DST: variants seen among roughly 807,000 people sequenced by gnomAD.
DST encodes the protein dystonin.
Under a neutral mutation model 875.2 loss-of-function variants are expected in DST, and 253 were observed. The observed-to-expected ratio is 0.29, with a 90% confidence interval of 0.26 to 0.32. The LOEUF is 0.32. DST is among the 10% of genes least tolerant of loss of function. The probability of loss-of-function intolerance (pLI) is 1.00; values close to 1 mark genes in which losing one functional copy is unlikely to be tolerated. For missense variants in DST, 8,287 were observed against 9,111.6 expected (o/e 0.91, Z 3.68); for synonymous variants, 3,124 against 3,197.1 (o/e 0.98, Z 0.77).
intron 36 of DST, chr6:56,619,216 A>G: frequency 6.2e-7 from 1 of 1,613,926 alleles, no homozygotes; most frequent in South Asian, 1.1e-5. Context: ...TTTGCTGGAT[A>G]GTTTGTTTCT....
chr6:56,930,426 T>C (rs1809564842), intron 2 of DST, among the ~76,000 whole-genome samples: 1 of 152,230 alleles, frequency 6.6e-6, no homozygotes, highest in Non-Finnish European at 1.5e-5. Flanking sequence ...ATGAAATGTG[T>C]AGGAATCTCA....
chr6:56,758,742 T>A (rs2099610166), intron 4 of DST, among the ~76,000 whole-genome samples: 1 of 152,032 alleles, frequency 6.6e-6, no homozygotes, highest in African/African-American at 2.4e-5. Flanking sequence ...TGGCCTGACT[T>A]TCTCACTGAA....
intron 2 of DST, among the ~76,000 whole-genome samples, chr6:56,930,815 A>T (rs1311917749): frequency 1.3e-5 from 2 of 152,252 alleles, no homozygotes; most frequent in African/African-American, 4.8e-5. Flanking sequence ...GAACAAAGAC[A>T]GCAATGTTGC....
intron 2 of DST, among the ~76,000 whole-genome samples, chr6:56,938,562 A>C (rs1209235966): frequency 1.3e-5 from 2 of 152,224 alleles, no homozygotes; most frequent in African/African-American, 4.8e-5. Context: ...TAGGGATAGC[A>C]GACAGTAGCA....
chr6:56,845,955 A>G (rs1195340601), intron 4 of DST, among the ~76,000 whole-genome samples: 1 of 152,250 alleles, frequency 6.6e-6, no homozygotes, highest in Non-Finnish European at 1.5e-5. Context: ...GAGAAGAGGC[A>G]AAAGCGTAGC....
intron 3 of DST, among the ~76,000 whole-genome samples, chr6:56,869,263 G>A (rs928126526): frequency 6.6e-6 from 1 of 152,178 alleles, no homozygotes; most frequent in South Asian, 2.1e-4. Flanking sequence ...TAAAAATGCT[G>A]GATAAAATAT....
intron 5 of DST, among the ~76,000 whole-genome samples, chr6:56,715,142 T>C (rs1212836797): frequency 3.3e-5 from 5 of 152,186 alleles, no homozygotes; most frequent in African/African-American, 9.7e-5. Flanking sequence ...CTGTGGGCTC[T>C]TGAATGCCTG....
Position 56,487,200 on chromosome 6 carries a change from T to A in DST, c.20951A>T (p.Glu6984Val). The change falls in exon 87 of 104, where the codon GAG becomes GTG. Residue 6984 changes from glutamate to valine, a missense_variant. By Grantham distance (121) the Glu-to-Val change is moderately radical. Around this residue, in one of 10 missense-constraint regions of DST, gnomAD observed 1,292 missense variants for 1,552.7 expected, o/e 0.83. Coordinates refer to ENST00000680361, the MANE Select transcript of DST (RefSeq NM_001374736.1). ...GTTGTCATCAGCCAGGGAGGTTTTCTCCTTCAGAGAACGTCCAGTCCTGTT... is the reference window on the plus strand; with the variant it reads ...GTTGTCATCAGCCAGGGAGGTTTTCACCTTCAGAGAACGTCCAGTCCTGTT... Reference protein sequence around the residue: ...TTNRTGRSLKEKTSLADDNLK... With the variant: ...TTNRTGRSLKVKTSLADDNLK... 6.2e-7 allele frequency: 1 copy of A among 1,613,916 alleles called. No homozygotes were observed. Among genetic ancestry groups the A allele is most frequent in the Non-Finnish European group, 8.5e-7 (1 of 1,179,832 alleles).
intron 1 of DST, 63 bp from the exon 2 acceptor site, chr6:56,953,882 T>C (rs901092367): frequency 7.4e-6 from 9 of 1,210,766 alleles, no homozygotes; most frequent in Non-Finnish European, 9.9e-6. Context: ...ACCGAGTGAC[T>C]CATGACTTAC....
intron 4 of DST, chr6:56,742,156 C>T (rs1589476130): frequency 3.4e-6 from 2 of 581,288 alleles, no homozygotes; most frequent in Non-Finnish European, 2.9e-6. Flanking sequence ...TACAGGTTTT[C>T]GAAAGATGCC....
chr6:56,624,297 T>C, intron 36 of DST: 2 of 628,182 alleles, frequency 3.2e-6, no homozygotes, highest in Non-Finnish European at 5.7e-6. Context: ...GAAGTGAAAA[T>C]GTAAAGTCAT....
At chr6:56,620,281 T>A in intron 36 of DST, 1 of 1,614,190 alleles carries the variant, frequency 6.2e-7, no homozygotes, top group Non-Finnish European at 8.5e-7. Flanking sequence ...GATCTTCCAG[T>A]GTTCGTCTGG....
At chr6:56,813,889 G>A (rs376984330) in intron 4 of DST, among the ~76,000 whole-genome samples, 21 of 151,982 alleles carry the variant, frequency 1.4e-4, no homozygotes, top group African/African-American at 3.9e-4. Context: ...TGCCCCAAGA[G>A]ATTAAAACTT....
chr6:56,591,479 A>G (rs1276896084), intron 49 of DST, among the ~76,000 whole-genome samples: 1 of 152,222 alleles, frequency 6.6e-6, no homozygotes, highest in Admixed American at 6.5e-5. Context: ...GCCAGGTAAT[A>G]TTCTAGGTGC....
chr6:56,568,275 T>G (rs1345881343), intron 55 of DST, among the ~76,000 whole-genome samples, 194 bp downstream of exon 55: 2 of 152,214 alleles, frequency 1.3e-5, no homozygotes, highest in African/African-American at 4.8e-5. Flanking sequence ...AAATAAAACA[T>G]AAGAAGGATT....
intron 4 of DST, among the ~76,000 whole-genome samples, chr6:56,748,107 T>C (rs1032939729): frequency 2.6e-5 from 4 of 152,204 alleles, no homozygotes; most frequent in Admixed American, 6.5e-5. Flanking sequence ...TCCCAGCCAA[T>C]AGCCTACCTG....
intron 2 of DST, chr6:56,945,970 T>C (rs1231679031): frequency 6.6e-6 from 1 of 152,148 alleles, no homozygotes; most frequent in African/African-American, 2.4e-5. Flanking sequence ...TAAAATTAAA[T>C]TGTGATGATG....
intron 4 of DST, among the ~76,000 whole-genome samples, chr6:56,790,882 T>C (rs748304941): frequency 7.9e-5 from 12 of 152,160 alleles, no homozygotes; most frequent in Non-Finnish European, 1.5e-4. Flanking sequence ...TTGCCCACAC[T>C]TTGGCCAACA....
chr6:56,619,310 T>C, intron 36 of DST: 2 of 1,612,038 alleles, frequency 1.2e-6, no homozygotes, highest in Non-Finnish European at 1.7e-6. Flanking sequence ...CTCCTCTACT[T>C]TTTGTTTTAG....
Sources: allele counts gnomAD v4.1 joint callset (sites outside exome capture counted in the v4.1 genomes callset), GRCh38; gene constraint gnomAD v4.1.1; regional missense constraint gnomAD v4.1.1; transcripts MANE v1.5; gene names NCBI Gene and HGNC (gene_info 2026-07-23, HGNC 2026-07-21).